DAB1: variants seen among roughly 807,000 people sequenced by gnomAD.
The protein encoded by DAB1 is DAB adaptor protein 1.
A neutral mutation model predicts 64.6 loss-of-function variants in DAB1; 15 were observed. That is an observed-to-expected ratio of 0.23 (90% CI 0.16 to 0.36). The LOEUF (loss-of-function observed/expected upper bound fraction) is 0.36. Ranked by LOEUF, DAB1 falls within the 10% of genes least tolerant of loss-of-function variation. The pLI, the probability that DAB1 is intolerant of heterozygous loss-of-function variation, is 1.00. For missense variants in DAB1, 596 were observed against 706.7 expected (o/e 0.84, Z 1.78); for synonymous variants, 235 against 251.9 (o/e 0.93, Z 0.64).
At chr1:57,025,857 G>A in intron 10 of DAB1, 124 bp downstream of exon 10, 1 of 739,042 alleles carries the variant, frequency 1.4e-6, no homozygotes, top group Non-Finnish European at 2.2e-6. Context: ...CACACAGCTT[G>A]AAAGAGTCAA....
chr1:57,528,351 A>T (rs1432823495), intron 7 of DAB1, among the ~76,000 whole-genome samples: 1 of 152,132 alleles, frequency 6.6e-6, no homozygotes, highest in East Asian at 1.9e-4. Context: ...TTTGGAAAAA[A>T]TAGTAAACAG....
intron 3 of DAB1, among the ~76,000 whole-genome samples, chr1:58,386,814 C>T (rs566279247): frequency 5.3e-5 from 8 of 152,162 alleles, no homozygotes; most frequent in Non-Finnish European, 1.0e-4. Flanking sequence ...AATCCCAGAA[C>T]TTTGGGAGGC....
At chr1:57,586,016 CAT>C (rs1645375538) in intron 7 of DAB1, among the ~76,000 whole-genome samples, 1 of 152,086 alleles carries the variant, frequency 6.6e-6, no homozygotes, top group Non-Finnish European at 1.5e-5. Flanking sequence ...TCTGTAATTA[CAT>C]GTGTTCAGTC....
At chr1:57,510,227 C>T (rs148509836) in intron 7 of DAB1, among the ~76,000 whole-genome samples, 248 of 152,278 alleles carry the variant, frequency 1.6e-3, no homozygotes, top group Non-Finnish European at 2.7e-3. Flanking sequence ...TCCATGTTGC[C>T]AAATCCAATG....
intron 6 of DAB1, among the ~76,000 whole-genome samples, chr1:57,736,388 G>A (rs753071893): frequency 2.0e-5 from 3 of 152,128 alleles, no homozygotes; most frequent in Non-Finnish European, 2.9e-5. Context: ...TTTTGACTTC[G>A]TGCATATCTG....
chr1:57,867,288 G>A (rs912528622), intron 1 of DAB1: 3 of 152,070 alleles, frequency 2.0e-5, no homozygotes, highest in Admixed American at 6.6e-5. Context: ...GGAAATATGG[G>A]TCTCCCTTTG....
intron 9 of DAB1, among the ~76,000 whole-genome samples, chr1:57,050,452 G>A (rs1265316649): frequency 6.6e-6 from 1 of 152,156 alleles, no homozygotes; most frequent in Non-Finnish European, 1.5e-5. Flanking sequence ...TGCTCCCATG[G>A]AGGCACCCTA....
intron 3 of DAB1, among the ~76,000 whole-genome samples, chr1:58,376,544 T>G (rs1442645211): frequency 2.0e-5 from 3 of 146,418 alleles, no homozygotes; most frequent in Admixed American, 1.4e-4. Context: ...GTCTGAGAGA[T>G]AGTTTGTTAT....
chr1:57,001,647 C>T (rs150238221), intron 14 of DAB1, among the ~76,000 whole-genome samples: 123 of 152,314 alleles, frequency 8.1e-4, no homozygotes, highest in African/African-American at 2.8e-3. Context: ...TGCCCACCTT[C>T]CCAACCAGCC....
intron 7 of DAB1, among the ~76,000 whole-genome samples, chr1:57,627,734 G>A (rs761889629): frequency 6.6e-6 from 1 of 152,204 alleles, no homozygotes; most frequent in Non-Finnish European, 1.5e-5. Context: ...ACCAAAACCT[G>A]ACTCCATAGC....
intron 1 of DAB1, among the ~76,000 whole-genome samples, chr1:57,396,526 G>C (rs1431764343): frequency 6.6e-6 from 1 of 152,174 alleles, no homozygotes; most frequent in Non-Finnish European, 1.5e-5. Flanking sequence ...ATTGTGGATT[G>C]TTCTTTGACT....
intron 5 of DAB1, among the ~76,000 whole-genome samples, chr1:58,044,310 G>A (rs1004004285): frequency 6.6e-6 from 1 of 152,078 alleles, no homozygotes; most frequent in Non-Finnish European, 1.5e-5. Flanking sequence ...AGCTTCTGAA[G>A]GTGACCCTGG....
intron 1 of DAB1, among the ~76,000 whole-genome samples, chr1:57,345,617 C>A (rs1320693198): frequency 6.6e-6 from 1 of 152,140 alleles, no homozygotes; most frequent in Non-Finnish European, 1.5e-5. Context: ...TACAATCTTT[C>A]ATAACTACCA....
At chr1:58,220,326 G>C (rs1659090313) in intron 4 of DAB1, among the ~76,000 whole-genome samples, 2 of 152,128 alleles carry the variant, frequency 1.3e-5, no homozygotes, top group Admixed American at 1.3e-4. Context: ...TTTAATTTGT[G>C]GGATCCAAGC....
At chr1:57,912,464 T>C (rs1273074429) in intron 5 of DAB1, among the ~76,000 whole-genome samples, 5 of 152,216 alleles carry the variant, frequency 3.3e-5, no homozygotes, top group African/African-American at 1.2e-4. Flanking sequence ...GAGCTATCTA[T>C]GACAAACACA....
intron 6 of DAB1, among the ~76,000 whole-genome samples, chr1:57,668,083 T>A (rs950361456): frequency 6.6e-6 from 1 of 152,004 alleles, no homozygotes; most frequent in African/African-American, 2.4e-5. Context: ...AGGAACTGAA[T>A]TTTTTACTTT....
At chr1:57,140,842 G>A (rs1658525531) in intron 3 of DAB1, among the ~76,000 whole-genome samples, 1 of 152,158 alleles carries the variant, frequency 6.6e-6, no homozygotes, top group African/African-American at 2.4e-5. Context: ...CTCGATGGAG[G>A]ACGTTACATA....
At chr1:58,338,355 T>A (rs1178760723) in intron 4 of DAB1, among the ~76,000 whole-genome samples, 10 of 152,176 alleles carry the variant, frequency 6.6e-5, no homozygotes, top group Admixed American at 5.9e-4. Context: ...CTGACCCTGC[T>A]GGAGTCCTTC....
intron 6 of DAB1, among the ~76,000 whole-genome samples, chr1:57,781,251 T>C (rs1650085365): frequency 2.0e-5 from 3 of 150,100 alleles, no homozygotes; most frequent in Admixed American, 2.0e-4. Context: ...AATAGTTTCC[T>C]ATCACATAGA....
Sources: allele counts gnomAD v4.1 joint callset (sites outside exome capture counted in the v4.1 genomes callset), GRCh38; gene constraint gnomAD v4.1.1; transcripts MANE v1.5; gene names NCBI Gene and HGNC (gene_info 2026-07-23, HGNC 2026-07-21).